Variants in PEAK1 observed in about 807,000 individuals in gnomAD.
PEAK1 encodes pseudopodium enriched atypical kinase 1.
A neutral mutation model predicts 124.7 loss-of-function variants in PEAK1; 54 were observed. The observed-to-expected ratio is 0.43, with a 90% CI of 0.35 to 0.54. PEAK1 has a LOEUF of 0.54. Among genes scored for constraint, PEAK1 ranks in the 20% least tolerant of loss-of-function variants. The pLI is 0.01. For missense variants in PEAK1, 2,046 were observed against 2,134.5 expected (o/e 0.96, Z 0.82); for synonymous variants, 719 against 760.0 (o/e 0.95, Z 0.89).
intron 1 of PEAK1, among the ~76,000 whole-genome samples, chr15:77,393,400 A>AG (rs1363626513): frequency 6.6e-6 from 1 of 152,192 alleles, no homozygotes; most frequent in Non-Finnish European, 1.5e-5. Context: ...TTGAGAAGAA[A>AG]GGGAAGAGTA....
chr15:77,126,025 A>C (rs114659508), intron 9 of PEAK1, among the ~76,000 whole-genome samples: 3,293 of 152,296 alleles, frequency 0.022, 118 homozygotes, highest in African/African-American at 0.074. Flanking sequence ...ATAACTAAGG[A>C]TACCTGTTTT....
intron 1 of PEAK1, chr15:77,419,727 G>T: frequency 1.1e-6 from 1 of 938,502 alleles, no homozygotes; most frequent in Non-Finnish European, 1.3e-6. Flanking sequence ...CGCGCTCCCG[G>T]GGCCGCCGCC....
chr15:77,311,685 C>CAAAAA (rs11296386), intron 2 of PEAK1, among the ~76,000 whole-genome samples: 687 of 84,886 alleles, frequency 8.1e-3, no homozygotes, highest in Middle Eastern at 0.01. Context: ...CCAACCCCCA[C>CAAAAA]AAAAAAAAAA....
intron 6 of PEAK1, among the ~76,000 whole-genome samples, chr15:77,190,023 G>A (rs1193721014): frequency 6.6e-6 from 1 of 152,188 alleles, no homozygotes; most frequent in Non-Finnish European, 1.5e-5. Flanking sequence ...AATCCTGCTT[G>A]AATGTTTATA....
chr15:77,182,467 G>T (rs2057326460), intron 6 of PEAK1, among the ~76,000 whole-genome samples: 1 of 152,036 alleles, frequency 6.6e-6, no homozygotes, highest in Non-Finnish European at 1.5e-5. Flanking sequence ...AAGCTTCGGG[G>T]CTGGGTGCAG....
At chr15:77,293,581 C>T (rs929790772) in intron 2 of PEAK1, among the ~76,000 whole-genome samples, 1 of 152,182 alleles carries the variant, frequency 6.6e-6, no homozygotes, top group African/African-American at 2.4e-5. Flanking sequence ...ACGCTGGCCA[C>T]GTTAGTCAGT....
intron 1 of PEAK1, among the ~76,000 whole-genome samples, chr15:77,413,402 T>C (rs2072575502): frequency 6.6e-6 from 1 of 151,950 alleles, no homozygotes; most frequent in African/African-American, 2.4e-5. Flanking sequence ...CGTAACAGAG[T>C]GCTCACAAGT....
At chr15:77,346,125 A>G (rs1011017206) in intron 2 of PEAK1, 17 of 985,328 alleles carry the variant, frequency 1.7e-5, no homozygotes, top group African/African-American at 7.0e-5. Flanking sequence ...AGTCAAAGCT[A>G]TATTTTATAG....
In PEAK1 at chr15:77,152,749, T is replaced by C. The variant is rs566140304; in HGVS notation, c.3331+5754A>G. On this transcript the variant is annotated intron_variant, in intron 8 of 9. Transcript: ENST00000682557. The stretch of plus-strand genomic sequence containing the variant: ...TTTTCTGTATCTATTGAGATAATCA[T>C]GTGGTTTTTGTCTTTGGTTCTGTTT... Among the ~76,000 whole-genome samples, 1,276 of 152,330 alleles carry C rather than the reference T, an allele frequency of 8.4e-3. 16 individuals are homozygous for C. Among genetic ancestry groups the C allele is most frequent in the African/African-American group, 0.029 (1,218 of 41,562 alleles).
intron 1 of PEAK1, among the ~76,000 whole-genome samples, chr15:77,410,280 C>T (rs1200098375): frequency 6.6e-6 from 1 of 152,032 alleles, no homozygotes; most frequent in Non-Finnish European, 1.5e-5. Flanking sequence ...CATGCGCCAC[C>T]ACGCCCAGCT....
chr15:77,172,379 G>A (rs2056570074), intron 7 of PEAK1, among the ~76,000 whole-genome samples: 1 of 152,186 alleles, frequency 6.6e-6, no homozygotes, highest in Admixed American at 6.5e-5. Flanking sequence ...GGAAGCTGTT[G>A]AGGTCATGGT....
At chr15:77,192,751 C>T (rs1270632905) in intron 6 of PEAK1, among the ~76,000 whole-genome samples, 1 of 152,094 alleles carries the variant, frequency 6.6e-6, no homozygotes, top group Admixed American at 6.6e-5. Flanking sequence ...CACAAATCAA[C>T]AACACTCAAG....
chr15:77,256,681 T>C (rs1043822822), intron 5 of PEAK1, among the ~76,000 whole-genome samples: 2 of 149,420 alleles, frequency 1.3e-5, no homozygotes, highest in African/African-American at 5.0e-5. Context: ...TATCAGAACA[T>C]AGCCAGTTCA....
intron 6 of PEAK1, among the ~76,000 whole-genome samples, chr15:77,234,883 G>A (rs2152901616): frequency 6.6e-6 from 1 of 152,180 alleles, no homozygotes. Context: ...AGCCTCGAGA[G>A]ATCCAATCCT....
chr15:77,249,072 C>G (rs1048522946), intron 6 of PEAK1, among the ~76,000 whole-genome samples: 1 of 152,150 alleles, frequency 6.6e-6, no homozygotes, highest in African/African-American at 2.4e-5. Context: ...ATCCTCCTGC[C>G]TCGGCCTCCC....
chr15:77,220,775 T>C (rs1050794390), intron 6 of PEAK1, among the ~76,000 whole-genome samples: 2 of 152,084 alleles, frequency 1.3e-5, no homozygotes, highest in African/African-American at 4.8e-5. Flanking sequence ...GTGTTTTTTA[T>C]GACAGGGAAA....
intron 6 of PEAK1, 27 bp downstream of exon 6, chr15:77,252,340 G>C (rs745920696): frequency 7.4e-5 from 72 of 975,896 alleles, no homozygotes; most frequent in Non-Finnish European, 8.8e-5. Context: ...TGGTGGAAAT[G>C]TAACATGTTA....
chr15:77,297,225 G>GA (rs1248951075), intron 2 of PEAK1, among the ~76,000 whole-genome samples: 3 of 151,760 alleles, frequency 2.0e-5, no homozygotes, highest in Admixed American at 6.6e-5. Context: ...GCCATTCACA[G>GA]AAAAAAGCAT....
intron 1 of PEAK1, among the ~76,000 whole-genome samples, chr15:77,396,261 C>A (rs2070878720): frequency 6.6e-6 from 1 of 151,522 alleles, no homozygotes. Context: ...AAACATACAA[C>A]AAATACACAA....
Sources: gnomAD v4.1 joint callset for allele counts (sites outside exome capture counted in the v4.1 genomes callset) on GRCh38, gnomAD v4.1.1 for gene constraint, MANE v1.5 for transcripts, NCBI Gene and HGNC (gene_info 2026-07-23, HGNC 2026-07-21) for gene names.